CIRSR: variants seen among roughly 807,000 people sequenced by gnomAD.
CIRSR encodes the protein CBF1 (RBPJ) interacting corepressor 1.
chr2:174,370,458 AATAG>A, the CIRSR span, among the ~76,000 whole-genome samples: 1 of 152,238 alleles, frequency 6.6e-6, no homozygotes, highest in Admixed American at 6.5e-5. Context: ...AGAATTACTT[AATAG>A]ATAGAATTTT....
chr2:174,387,320 A>T, the CIRSR span: 504 of 168,408 alleles, frequency 3.0e-3, 6 homozygotes, highest in East Asian at 0.015. Context: ...CGTGTCAAAT[A>T]AAGTCACTTT....
the CIRSR span, among the ~76,000 whole-genome samples, chr2:174,359,871 T>C: frequency 6.6e-5 from 10 of 152,342 alleles, no homozygotes; most frequent in South Asian, 2.1e-3. Flanking sequence ...CATGGAATAC[T>C]ATGCAGCCAT....
chr2:174,353,144 T>C, the CIRSR span, among the ~76,000 whole-genome samples: 1 of 152,158 alleles, frequency 6.6e-6, no homozygotes. Context: ...CCCTAGGTAC[T>C]AGGGAGATGA....
the CIRSR span, among the ~76,000 whole-genome samples, chr2:174,390,407 T>G: frequency 6.6e-6 from 1 of 152,166 alleles, no homozygotes; most frequent in Non-Finnish European, 1.5e-5. Context: ...TGGGGATGGG[T>G]GTATTTACCC....
the CIRSR span, among the ~76,000 whole-genome samples, chr2:174,373,448 C>A: frequency 0.12 from 17,930 of 152,130 alleles, 1,433 homozygotes; most frequent in Non-Finnish European, 0.18. Flanking sequence ...AAACATTAGC[C>A]TTCTGAAGAA....
At chr2:174,391,820 G>A in the CIRSR span, among the ~76,000 whole-genome samples, 1 of 152,086 alleles carries the variant, frequency 6.6e-6, no homozygotes. Context: ...GCCATACCAT[G>A]GATAAACTTC....
the CIRSR span, among the ~76,000 whole-genome samples, chr2:174,353,029 G>T: frequency 6.6e-6 from 1 of 152,116 alleles, no homozygotes; most frequent in Non-Finnish European, 1.5e-5. Context: ...TAGCAGATGT[G>T]GTTAAAAATT....
At chr2:174,352,520 G>A in the CIRSR span, among the ~76,000 whole-genome samples, 38 of 152,288 alleles carry the variant, frequency 2.5e-4, no homozygotes, top group African/African-American at 7.0e-4. Context: ...AGGCAGAGGC[G>A]GGAGGATCAC....
the CIRSR span, among the ~76,000 whole-genome samples, chr2:174,385,213 C>T: frequency 2.0e-5 from 2 of 100,140 alleles, no homozygotes; most frequent in Non-Finnish European, 3.9e-5. Context: ...AGACCTTCCT[C>T]TCAAAAAAAA....
the CIRSR span, chr2:174,350,617 C>T: frequency 1.5e-6 from 2 of 1,324,814 alleles, no homozygotes; most frequent in Non-Finnish European, 2.1e-6. Flanking sequence ...GAGATGAATA[C>T]TAAGGAAAAA....
chr2:174,367,828 C>T, the CIRSR span, among the ~76,000 whole-genome samples: 1 of 146,670 alleles, frequency 6.8e-6, no homozygotes, highest in African/African-American at 2.5e-5. Flanking sequence ...TTATTGCTGT[C>T]CACAAGAAAC....
chr2:174,359,824 T>A, the CIRSR span, among the ~76,000 whole-genome samples: 2 of 152,316 alleles, frequency 1.3e-5, no homozygotes, highest in Non-Finnish European at 2.9e-5. Context: ...TGTCCATCAA[T>A]GACAGATTGG....
the CIRSR span, chr2:174,395,682 G>T: frequency 6.2e-7 from 1 of 1,613,584 alleles, no homozygotes; most frequent in Non-Finnish European, 8.5e-7. Flanking sequence ...AACAAACTCA[G>T]CCGCCTAACC....
At chr2:174,387,566 A>G in the CIRSR span, 1 of 1,097,576 alleles carries the variant, frequency 9.1e-7, no homozygotes, top group Non-Finnish European at 1.3e-6. Flanking sequence ...TCACGGAAAG[A>G]CACGAATCCT....
At chr2:174,387,436 C>T in the CIRSR span, 1 of 317,578 alleles carries the variant, frequency 3.1e-6, no homozygotes, top group Non-Finnish European at 5.7e-6. Flanking sequence ...CTAAGCTTTG[C>T]CTAATTTGAG....
At chr2:174,365,844 A>G in the CIRSR span, among the ~76,000 whole-genome samples, 1 of 152,172 alleles carries the variant, frequency 6.6e-6, no homozygotes, top group African/African-American at 2.4e-5. Flanking sequence ...ATATGCCAAA[A>G]AGCAAAAGCC....
chr2:174,376,293 T>A, the CIRSR span, among the ~76,000 whole-genome samples: 1 of 152,242 alleles, frequency 6.6e-6, no homozygotes, highest in South Asian at 2.1e-4. Flanking sequence ...GAATCACTAA[T>A]ATGTAGACTT....
chr2:174,354,882 G>A, the CIRSR span, among the ~76,000 whole-genome samples: 326 of 146,362 alleles, frequency 2.2e-3, no homozygotes, highest in African/African-American at 8.0e-3. Flanking sequence ...GATTACAGTT[G>A]TAAGCCACTG....
chr2:174,380,898 A>G, the CIRSR span: 1 of 1,047,604 alleles, frequency 9.5e-7, no homozygotes, highest in Non-Finnish European at 1.4e-6. Flanking sequence ...ATACACTATG[A>G]TATCATGTTA....
Sources: gnomAD v4.1 joint callset for allele counts (sites outside exome capture counted in the v4.1 genomes callset) on GRCh38, gnomAD v4.1.1 for gene constraint, MANE v1.5 for transcripts, NCBI Gene and HGNC (gene_info 2026-07-23, HGNC 2026-07-21) for gene names.